Variants in TMTC4 observed in about 807,000 individuals in gnomAD.
TMTC4 encodes protein O-mannosyl-transferase TMTC4.
In TMTC4, 65 loss-of-function variants were observed where a neutral mutation model predicts 86.0. The ratio of observed to expected loss-of-function variants is 0.76; its 90% CI spans 0.62 to 0.93. The LOEUF (loss-of-function observed/expected upper bound fraction) is 0.93, where lower values mean the gene tolerates loss of function less well. Among genes scored for constraint, TMTC4 ranks in the 40% least tolerant of loss-of-function variants. TMTC4 has a pLI of 0.00. For missense variants in TMTC4, 866 were observed against 948.1 expected (o/e 0.91, Z 1.14); for synonymous variants, 379 against 382.5 (o/e 0.99, Z 0.11).
chr13:100,649,371 A>G (rs1884140482), intron 6 of TMTC4, among the ~76,000 whole-genome samples: 1 of 152,222 alleles, frequency 6.6e-6, no homozygotes, highest in Admixed American at 6.5e-5. Flanking sequence ...ACTAATGCTA[A>G]TAATTATCAA....
intron 3 of TMTC4, 35 bp downstream of exon 3, chr13:100,668,544 A>G: frequency 6.3e-7 from 1 of 1,590,904 alleles, no homozygotes; most frequent in Non-Finnish European, 8.6e-7. Context: ...ACAGTTGGGC[A>G]GTTAAGTTTA....
At chr13:100,626,994 C>T (rs953623631) in intron 12 of TMTC4, among the ~76,000 whole-genome samples, 7 of 152,164 alleles carry the variant, frequency 4.6e-5, no homozygotes, top group African/African-American at 4.8e-5. Flanking sequence ...GCCCCCTTTC[C>T]GCCACGTGAG....
intron 17 of TMTC4, among the ~76,000 whole-genome samples, chr13:100,609,328 C>T (rs7986676): frequency 0.95 from 144,047 of 152,168 alleles, 68,687 homozygotes; most frequent in East Asian, 1. Flanking sequence ...CCTTTAAATA[C>T]ATTCATGTTA....
At chr13:100,668,873 CTAGA>C (rs1886727592) in intron 2 of TMTC4, 79 bp from the exon 3 acceptor site, 2 of 1,354,034 alleles carry the variant, frequency 1.5e-6, no homozygotes, top group Non-Finnish European at 2.1e-6. Flanking sequence ...TGAGTAAGAG[CTAGA>C]TAGTCATTTA....
chr13:100,614,857 T>C (rs528248663), intron 15 of TMTC4: 5 of 915,184 alleles, frequency 5.5e-6, no homozygotes, highest in Non-Finnish European at 5.2e-6. Flanking sequence ...CATAAGTTCA[T>C]TGTTGATAAA....
At chr13:100,625,984 T>TG (rs2138810530) in intron 13 of TMTC4, 87 bp downstream of exon 13, 2 of 1,596,202 alleles carry the variant, frequency 1.3e-6, no homozygotes. Flanking sequence ...ATTGTAAAGT[T>TG]GGGGTCTTTA....
chr13:100,672,180 G>A (rs557008937), intron 1 of TMTC4, among the ~76,000 whole-genome samples: 1 of 152,156 alleles, frequency 6.6e-6, no homozygotes, highest in African/African-American at 2.4e-5. Context: ...TGCCTGTCTC[G>A]GGCGCACCCA....
In TMTC4 at chr13:100,673,577, G is replaced by A. The variant is rs577594517; in HGVS notation, c.-208+1167C>T. Among the ~76,000 whole-genome samples, 63 of 152,326 alleles carry A rather than the reference G, an allele frequency of 4.1e-4. 1 individual carries two copies. The highest frequency in any genetic ancestry group is 3.7e-3 in the Admixed American group (57 of 15,308). Reference sequence around the variant, plus strand: ...CCTGGGCCCCTCAAGGCAGGGGCGCGAGCCACCACCACCGCCCTCCTCCGT... The same window carrying A: ...CCTGGGCCCCTCAAGGCAGGGGCGCAAGCCACCACCACCGCCCTCCTCCGT... On this transcript the variant is annotated intron_variant, in intron 1 of 18. Coordinates refer to ENST00000342624, the MANE Select transcript of TMTC4 (RefSeq NM_032813.5).
At chr13:100,649,661 T>A (rs1374926385) in intron 6 of TMTC4, among the ~76,000 whole-genome samples, 1 of 152,172 alleles carries the variant, frequency 6.6e-6, no homozygotes, top group Admixed American at 6.5e-5. Context: ...ATTTGCTCAG[T>A]GTGGACAAAT....
intron 17 of TMTC4, 58 bp downstream of exon 17, chr13:100,612,340 C>G: frequency 1.2e-5 from 15 of 1,299,396 alleles, no homozygotes; most frequent in Non-Finnish European, 1.6e-5. Context: ...GTAACACTTA[C>G]GTCTTCTGTC....
intron 6 of TMTC4, among the ~76,000 whole-genome samples, chr13:100,644,348 C>T (rs1883439936): frequency 6.6e-6 from 1 of 152,110 alleles, no homozygotes; most frequent in Non-Finnish European, 1.5e-5. Flanking sequence ...CATGATCCGC[C>T]TACCTTGGCC....
chr13:100,670,378 T>C lies in TMTC4; in HGVS notation c.-16A>G, dbSNP rs2139072548. ...GACACACCATTCCATGGTGATGCTG[T>C]CCCCTTCCAGGGGCCAGAAGGAGGC... On this transcript the variant is annotated 5_prime_UTR_variant, in exon 2 of 19. Transcript: ENST00000342624. The C allele has an allele frequency of 6.2e-7, 1 of 1,606,160 alleles. No homozygotes were observed. Among genetic ancestry groups the C allele is most frequent in the South Asian group, 1.1e-5 (1 of 89,488 alleles).
intron 6 of TMTC4, among the ~76,000 whole-genome samples, chr13:100,651,919 T>C (rs570602980): frequency 1.3e-5 from 2 of 152,258 alleles, no homozygotes; most frequent in South Asian, 2.1e-4. Flanking sequence ...AGAGTTAGTT[T>C]TTATTCTCTG....
At chr13:100,625,440 T>C (rs1363809755) in intron 15 of TMTC4, 95 bp downstream of exon 15, 2 of 1,501,842 alleles carry the variant, frequency 1.3e-6, no homozygotes, top group East Asian at 2.3e-5. Context: ...CTTTATAAAA[T>C]GTATGGGCTA....
intron 6 of TMTC4, among the ~76,000 whole-genome samples, chr13:100,643,158 C>T (rs1361353166): frequency 2.0e-5 from 3 of 152,176 alleles, no homozygotes; most frequent in African/African-American, 7.2e-5. Flanking sequence ...ATGGATACTC[C>T]TCTCCGTTGT....
intron 12 of TMTC4, among the ~76,000 whole-genome samples, chr13:100,630,945 G>C (rs1881274915): frequency 6.6e-6 from 1 of 152,180 alleles, no homozygotes; most frequent in African/African-American, 2.4e-5. Flanking sequence ...TTCCCTAGAG[G>C]CCAGCTTTAT....
Position 100,636,527 on chromosome 13 carries a change from C to G in TMTC4, c.1202+5G>C, listed in dbSNP as rs775202909. 5 of 1,614,072 alleles carry G rather than the reference C, an allele frequency of 3.1e-6. No homozygotes were observed. In the Admixed American group the frequency reaches 8.3e-5, roughly 27 times the overall value. On this transcript the variant is annotated splice_donor_5th_base_variant and intron_variant, in intron 10 of 18. Coordinates refer to ENST00000342624, the MANE Select transcript of TMTC4 (RefSeq NM_032813.5). ...TGGAACTTAAGATTCAGTGCTGCCT[C>G]TTACCTTCTCTTGTGGCCGTCTTCA...
intron 3 of TMTC4, chr13:100,668,316 C>T (rs573484004): frequency 2.6e-5 from 11 of 420,748 alleles, no homozygotes; most frequent in Admixed American, 2.4e-4. Flanking sequence ...CTTAGAATAA[C>T]GGCCTCTTTG....
intron 5 of TMTC4, among the ~76,000 whole-genome samples, chr13:100,657,584 G>A (rs1885265751): frequency 6.6e-6 from 1 of 152,124 alleles, no homozygotes; most frequent in South Asian, 2.1e-4. Context: ...AGTTTAGGTG[G>A]GATTCGTTAC....
Sources: gnomAD v4.1 joint callset for allele counts (sites outside exome capture counted in the v4.1 genomes callset) on GRCh38, gnomAD v4.1.1 for gene constraint, MANE v1.5 for transcripts, NCBI Gene and HGNC (gene_info 2026-07-23, HGNC 2026-07-21) for gene names.